The following HIVEP3 variants were observed in gnomAD, a reference collection of about 807,000 sequenced individuals.
The protein encoded by HIVEP3 is transcription factor HIVEP3.
Under a neutral mutation model 152.8 loss-of-function variants are expected in HIVEP3, and 49 were observed. The observed-to-expected ratio is 0.32, with a 90% CI of 0.26 to 0.41. The LOEUF is 0.41. HIVEP3 is among the 10% of genes least tolerant of loss of function. The pLI, the probability that HIVEP3 is intolerant of heterozygous loss-of-function variation, is 1.00. For synonymous variants in HIVEP3, 1,269 were observed against 1,289.0 expected (o/e 0.98, Z 0.33); for missense variants, 2,790 against 3,103.3 (o/e 0.90, Z 2.40).
intron 5 of HIVEP3, among the ~76,000 whole-genome samples, chr1:41,556,826 A>G (rs1408330107): frequency 1.3e-5 from 2 of 152,206 alleles, no homozygotes; most frequent in African/African-American, 2.4e-5. Context: ...GGTGTAAGGT[A>G]TGAGTCCAAC....
intron 6 of HIVEP3, among the ~76,000 whole-genome samples, chr1:41,520,707 G>A (rs1409595778): frequency 3.3e-5 from 5 of 152,210 alleles, no homozygotes; most frequent in Admixed American, 6.5e-5. Flanking sequence ...CAAGCTAGAC[G>A]CTGGGCACAC....
At chr1:41,595,217 C>T (rs538894731) in intron 3 of HIVEP3, among the ~76,000 whole-genome samples, 1 of 152,316 alleles carries the variant, frequency 6.6e-6, no homozygotes, top group African/African-American at 2.4e-5. Flanking sequence ...GGTTTCTAGC[C>T]TTCTCCCAGT....
At chr1:41,904,886 GT>G (rs1644685673) in intron 1 of HIVEP3, among the ~76,000 whole-genome samples, 1 of 152,186 alleles carries the variant, frequency 6.6e-6, no homozygotes, top group South Asian at 2.1e-4. Context: ...ATCCACAAGG[GT>G]CCTTGGCCCT....
intron 1 of HIVEP3, among the ~76,000 whole-genome samples, chr1:41,907,273 A>AG (rs1644728590): frequency 6.6e-6 from 1 of 152,198 alleles, no homozygotes; most frequent in South Asian, 2.1e-4. Flanking sequence ...CAAGATAGTT[A>AG]GGGACAGGGG....
chr1:41,988,957 A>C (rs994856839), intron 1 of HIVEP3, among the ~76,000 whole-genome samples: 3 of 152,348 alleles, frequency 2.0e-5, no homozygotes, highest in Admixed American at 1.3e-4. Context: ...TAAGCTAAAT[A>C]AGCCAGGCAC....
At chr1:41,833,601 T>C (rs952552174) in intron 1 of HIVEP3, among the ~76,000 whole-genome samples, 2 of 152,130 alleles carry the variant, frequency 1.3e-5, no homozygotes, top group African/African-American at 2.4e-5. Flanking sequence ...CCCTCCAGGA[T>C]TGTAATTACC....
intron 1 of HIVEP3, among the ~76,000 whole-genome samples, chr1:41,965,123 GA>G (rs1168462710): frequency 6.6e-6 from 1 of 152,194 alleles, no homozygotes; most frequent in African/African-American, 2.4e-5. Context: ...GGGCCAAGGT[GA>G]ATAGGGTCTA....
At chr1:41,641,221 C>T (rs1645366568) in intron 2 of HIVEP3, among the ~76,000 whole-genome samples, 1 of 152,360 alleles carries the variant, frequency 6.6e-6, no homozygotes, top group Non-Finnish European at 1.5e-5. Flanking sequence ...ACTACAGAAC[C>T]TCCACCACTG....
intron 1 of HIVEP3, among the ~76,000 whole-genome samples, chr1:41,805,338 AG>A (rs947956931): frequency 2.0e-5 from 3 of 152,244 alleles, no homozygotes; most frequent in Non-Finnish European, 4.4e-5. Flanking sequence ...CTCCCTCTCA[AG>A]ACAAATTTAA....
chr1:41,966,713 C>G (rs1015691401), intron 1 of HIVEP3, among the ~76,000 whole-genome samples: 7 of 151,116 alleles, frequency 4.6e-5, no homozygotes, highest in Non-Finnish European at 1.5e-5. Context: ...AATCTCCTGA[C>G]CTCGTGATCC....
intron 2 of HIVEP3, among the ~76,000 whole-genome samples, chr1:41,690,934 C>CA (rs991942270): frequency 3.3e-5 from 5 of 151,752 alleles, no homozygotes; most frequent in Admixed American, 6.6e-5. Flanking sequence ...CAAAAACAAA[C>CA]AAAAAAAAGA....
chr1:41,644,477 T>C (rs1645427318), intron 2 of HIVEP3, among the ~76,000 whole-genome samples: 1 of 152,006 alleles, frequency 6.6e-6, no homozygotes, highest in Non-Finnish European at 1.5e-5. Flanking sequence ...TGTCAGGAGG[T>C]TGATTTCTTT....
chr1:41,876,116 G>GTTTTTTTTTTTTT (rs67320823), intron 1 of HIVEP3, among the ~76,000 whole-genome samples: 1 of 146,632 alleles, frequency 6.8e-6, no homozygotes. Flanking sequence ...AGAGTGTTAA[G>GTTTTTTTTTTTTT]TTTTTTTTTT....
intron 1 of HIVEP3, among the ~76,000 whole-genome samples, chr1:41,780,011 T>C (rs564660553): frequency 8.5e-4 from 130 of 152,240 alleles, no homozygotes; most frequent in Non-Finnish European, 1.6e-3. Flanking sequence ...AAAGGGTAAA[T>C]TAAATGACAA....
At chr1:41,678,159 C>T (rs1645984733) in intron 2 of HIVEP3, among the ~76,000 whole-genome samples, 1 of 152,218 alleles carries the variant, frequency 6.6e-6, no homozygotes, top group African/African-American at 2.4e-5. Context: ...CGATTCTCCT[C>T]TGTTGTTTAC....
intron 1 of HIVEP3, among the ~76,000 whole-genome samples, chr1:41,959,000 TACCACTGGACA>T (rs1204150192): frequency 6.6e-6 from 1 of 152,174 alleles, no homozygotes. Flanking sequence ...GGTGCTTAAC[TACCACTGGACA>T]GGAGACTTCA....
At chr1:41,903,759 A>G (rs1644663892) in intron 1 of HIVEP3, among the ~76,000 whole-genome samples, 1 of 145,912 alleles carries the variant, frequency 6.9e-6, no homozygotes, top group Non-Finnish European at 1.5e-5. Context: ...AGCCGTTTAG[A>G]CTCAGAGTAC....
chr1:41,928,683 T>G (rs990267080), intron 1 of HIVEP3, among the ~76,000 whole-genome samples: 1 of 152,212 alleles, frequency 6.6e-6, no homozygotes. Flanking sequence ...TTCTTGCCCT[T>G]GACCCTTTTG....
chr1:41,961,854 C>T (rs1645171504), intron 1 of HIVEP3, among the ~76,000 whole-genome samples: 1 of 152,248 alleles, frequency 6.6e-6, no homozygotes, highest in Non-Finnish European at 1.5e-5. Flanking sequence ...TAATATCACT[C>T]TCCAATTAGT....
Sources: gnomAD v4.1 joint callset for allele counts (sites outside exome capture counted in the v4.1 genomes callset) on GRCh38, gnomAD v4.1.1 for gene constraint, MANE v1.5 for transcripts, NCBI Gene and HGNC (gene_info 2026-07-23, HGNC 2026-07-21) for gene names.